The following GIGYF1 variants were observed in gnomAD, a reference collection of about 807,000 sequenced individuals.
GIGYF1 encodes GRB10-interacting GYF protein 1.
Under a neutral mutation model 147.1 loss-of-function variants are expected in GIGYF1, and 84 were observed. That is an observed-to-expected ratio of 0.57 (90% CI 0.48 to 0.68). GIGYF1 has a LOEUF of 0.68. Among genes scored for constraint, GIGYF1 ranks in the 30% least tolerant of loss-of-function variants. GIGYF1 has a pLI of 0.00. For missense variants in GIGYF1, 1,485 were observed against 1,393.7 expected (o/e 1.07, Z -1.04); for synonymous variants, 752 against 589.5 (o/e 1.28, Z -3.99).
At position 100,680,383 on chromosome 7, in the gene GIGYF1, C is replaced by CTGTTA. The variant is rs1012628446; in HGVS notation, c.*1331_*1335dup. The CTGTTA allele has an allele frequency of 3.9e-5, 6 of 152,570 alleles. No individual in the cohort carries two copies. The highest frequency in any genetic ancestry group is 1.4e-4 in the African/African-American group (6 of 41,404). The allele number at this position is 152,570 out of a possible 1,614,324, so 9.5% of individuals were successfully genotyped here. ...TGGATGAGAAACCCAAAAGACAAAA[C>CTGTTA]TGTTACAAAACCCAAAATGGGCGGA... On this transcript the variant is annotated 3_prime_UTR_variant, in exon 27 of 27. Transcript: ENST00000678049.
In GIGYF1 at chr7:100,687,535, A is replaced by T. The variant is rs1273519000; in HGVS notation, c.343T>A (p.Ser115Thr). 17 of 1,612,030 alleles carry T rather than the reference A, an allele frequency of 1.1e-5. No individual in the cohort carries two copies. The highest frequency in any genetic ancestry group is 1.4e-5 in the Non-Finnish European group (17 of 1,179,606). ...CTCCGCGTGCTGCCCCTGCCTCGGG[A>T]GGTGCCAGCCAGGGGGGGGCCAGCC... is the stretch of plus-strand genomic sequence containing the variant. ...KGAGPPLAGTSRGRGSTRSRG... is the reference protein window; with the variant it reads ...KGAGPPLAGTTRGRGSTRSRG... The change falls in exon 7 of 27, where the codon TCC becomes ACC. Residue 115 changes from serine to threonine, a missense_variant. Physicochemically the swap from Ser to Thr is moderately conservative, Grantham distance 58 (BLOSUM62 1). Coordinates refer to ENST00000678049, the MANE Select transcript of GIGYF1 (RefSeq NM_001375765.1).
At position 100,682,455 on chromosome 7, in the gene GIGYF1, C is replaced by T. The variant is rs139105530; in HGVS notation, c.2628G>A (p.Arg876=). Residue 876 remains arginine (R), a synonymous_variant, in exon 24 of 27, where the codon CGG becomes CGA. Coordinates refer to ENST00000678049, the MANE Select transcript of GIGYF1 (RefSeq NM_001375765.1). The part of the protein sequence containing the change: ...LSDSYSHLSG[R]PIRKKTEEEE... Reference sequence around the variant, plus strand: ...CTTCCTCCGTCTTTTTGCGAATGGGCCGACCCGATAGGTGGCTGTATGAGT... The same window carrying T: ...CTTCCTCCGTCTTTTTGCGAATGGGTCGACCCGATAGGTGGCTGTATGAGT... The T allele has an allele frequency of 9.3e-6, 15 of 1,612,984 alleles. No individual in the cohort carries two copies. The highest frequency in any genetic ancestry group is 1.3e-5 in the Non-Finnish European group (15 of 1,179,990).
At position 100,693,012 on chromosome 7, in the gene GIGYF1, C is replaced by T. The variant is rs887917645; in HGVS notation, c.-1099+1098G>A. On this transcript the variant is annotated intron_variant, in intron 1 of 26. Coordinates refer to ENST00000678049, the MANE Select transcript of GIGYF1 (RefSeq NM_001375765.1). ...TTCCATGCCAAAGGCGAGGGGTTGG[C>T]GGGGTTCTAAATTGAAACTTCTATA... Among the ~76,000 whole-genome samples, 6 of 152,062 alleles carry T rather than the reference C, an allele frequency of 3.9e-5. No individual in the cohort carries two copies. The South Asian group carries it at 1.0e-3, about 26-fold the overall frequency.
At position 100,683,396 on chromosome 7, in the gene GIGYF1, C is replaced by A; in HGVS notation, c.2101G>T (p.Glu701Ter). The change falls in exon 21 of 27, where the codon GAA (glutamate) becomes TAA (stop). Residue 701 changes from glutamate (E) to a stop codon, truncating the protein, a stop_gained. Transcript: ENST00000678049. LOFTEE classifies it high-confidence loss of function. ...VELRAKREEE[E>*]RKRREEKRRQ... ...CGCTTCTCCTCTCGACGCTTGCGTT[C>A]CTCTTCCTCCCGCTTCGCCCTGAGC... The A allele has an allele frequency of 6.2e-7, 1 of 1,613,738 alleles. No individual in the cohort carries two copies. Among genetic ancestry groups the A allele is most frequent in the Non-Finnish European group, 8.5e-7 (1 of 1,180,034 alleles).
At chr7:100,682,292 C>CCGCCCACCTCCTGGGAGCCGCT in intron 24 of GIGYF1, 30 bp downstream of exon 24, 1 of 1,608,698 alleles carries the variant, frequency 6.2e-7, no homozygotes, top group Non-Finnish European at 8.5e-7. Context: ...GACCCAGGTC[C>CCGCCCACCTCCTGGGAGCCGCT]CGCCCACCTC....
chr7:100,682,918 G>C (rs1804925655), intron 22 of GIGYF1, 94 bp downstream of exon 22: 1 of 1,277,850 alleles, frequency 7.8e-7, no homozygotes. Flanking sequence ...GCTGGGACTG[G>C]GGCTGGGGCT....
Position 100,681,705 on chromosome 7 carries a change from G to T in GIGYF1, c.*14C>A. The stretch of plus-strand genomic sequence containing the variant: ...GCCCTGGCCTACAGCCCAGGGGCTG[G>T]GGGTCCGGGCTGGTCAGTAGTCATC... On this transcript the variant is annotated 3_prime_UTR_variant, in exon 27 of 27. Coordinates refer to ENST00000678049, the MANE Select transcript of GIGYF1 (RefSeq NM_001375765.1). 1 of 1,539,592 alleles carries T rather than the reference G, an allele frequency of 6.5e-7. No homozygotes were observed. The highest frequency in any genetic ancestry group is 2.0e-5 in the Admixed American group (1 of 49,206).
Position 100,687,355 on chromosome 7 carries a change from T to A in GIGYF1, c.425A>T (p.Asp142Val). Residue 142 changes from aspartate to valine, a missense_variant, in exon 8 of 27, where the codon GAT becomes GTT. Transcript: ENST00000678049. ...CFYQRSIEEGDGAFGRSPREI... is the reference protein window; with the variant it reads ...CFYQRSIEEGVGAFGRSPREI... ...CCGGGGGCTTCGTCCAAAGGCCCCA[T>A]CGCCTTCTTCGATGCTTCTTTGGTA... 3.7e-6 allele frequency: 6 copies of A among 1,613,288 alleles called. No homozygotes were observed. The highest frequency in any genetic ancestry group is 5.1e-6 in the Non-Finnish European group (6 of 1,179,950).
rs895531348 is a variant in GIGYF1, at chr7:100,680,311, C to T, written c.*1408G>A. ...TTCATGGAGGGAGGCAGTGGCGAAGCCTTGCCCTAATACTGCACTCTGAGC... is the reference window on the plus strand; with the variant it reads ...TTCATGGAGGGAGGCAGTGGCGAAGTCTTGCCCTAATACTGCACTCTGAGC... On this transcript the variant is annotated 3_prime_UTR_variant, in exon 27 of 27. Coordinates refer to ENST00000678049, the MANE Select transcript of GIGYF1 (RefSeq NM_001375765.1). The T allele has an allele frequency of 1.3e-5, 2 of 152,664 alleles. No homozygotes were observed. The highest frequency in any genetic ancestry group is 4.8e-5 in the African/African-American group (2 of 41,422). 9.5% of individuals were successfully genotyped at this position (152,664 alleles called of 1,614,324 possible). A position where few individuals can be genotyped will look rare whatever the true frequency, so the allele number is the denominator to read the frequency against.
chr7:100,684,478 G>A lies in GIGYF1; in HGVS notation c.1601C>T (p.Ala534Val). 6.2e-7 allele frequency: 1 copy of A among 1,613,268 alleles called. No individual in the cohort carries two copies. ...CAGTGGGGGAGGTGAGGGCCCTGGG[G>A]CAAAGGGCACGCGGCCCCACATCTT... ...VIKMWGRVPF[A>V]PGPSPPPLLG... The change falls in exon 16 of 27, where the codon GCC becomes GTC. Residue 534 changes from alanine (A) to valine (V), a missense_variant. Ala to Val is a moderately conservative substitution (Grantham distance 64, BLOSUM62 0). Coordinates refer to ENST00000678049, the MANE Select transcript of GIGYF1 (RefSeq NM_001375765.1).
chr7:100,687,237 G>A lies in GIGYF1; in HGVS notation c.482+61C>T. 5.2e-6 allele frequency: 8 copies of A among 1,526,108 alleles called. No homozygotes were observed. In the South Asian group the frequency reaches 7.9e-5, roughly 15 times the overall value. 94.5% of individuals were successfully genotyped at this position (1,526,108 alleles called of 1,614,324 possible). A position where few individuals can be genotyped will look rare whatever the true frequency, so the allele number is the denominator to read the frequency against. Reference sequence around the variant, plus strand: ...GGGCCTCTGTTACCCTCTAGCGACAGGGCCCAGGCCTCCCCTCCCTGGCCT... The same window carrying A: ...GGGCCTCTGTTACCCTCTAGCGACAAGGCCCAGGCCTCCCCTCCCTGGCCT... On this transcript the variant is annotated intron_variant, in intron 8 of 26. Coordinates refer to ENST00000678049, the MANE Select transcript of GIGYF1 (RefSeq NM_001375765.1).
At position 100,686,164 on chromosome 7, in the gene GIGYF1, G is replaced by C. The variant is rs760482550; in HGVS notation, c.948+16C>G. The C allele has an allele frequency of 2.5e-6, 4 of 1,602,464 alleles. No individual in the cohort carries two copies. The highest frequency in any genetic ancestry group is 3.4e-6 in the Non-Finnish European group (4 of 1,172,974). ...CCCGGAAGGGCAGGTTCCCACCCTC[G>C]CCTCCTCACAGATACCTTGAGAGGC... On this transcript the variant is annotated intron_variant, in intron 11 of 26. Transcript: ENST00000678049.
Position 100,686,227 on chromosome 7 carries a change from C to T in GIGYF1, c.901G>A (p.Glu301Lys). The T allele has an allele frequency of 6.2e-7, 1 of 1,613,878 alleles. No individual in the cohort carries two copies. Among genetic ancestry groups the T allele is most frequent in the Non-Finnish European group, 8.5e-7 (1 of 1,179,914 alleles). Residue 301 changes from glutamate (E) to lysine (K), a missense_variant, in exon 11 of 27, where the codon GAA (glutamate) becomes AAA (lysine). Glu to Lys is a moderately conservative substitution (Grantham distance 56, BLOSUM62 1). Transcript: ENST00000678049. ...LPEWCLDDED[E>K]EMGTFDASGA... is the part of the protein sequence containing the mutation. Reference sequence around the variant, plus strand: ...GAGGCATCAAAGGTGCCCATTTCTTCATCCTCATCGTCCAGGCACCACTCT... The same window carrying T: ...GAGGCATCAAAGGTGCCCATTTCTTTATCCTCATCGTCCAGGCACCACTCT...
At chr7:100,685,873 C>T in intron 12 of GIGYF1, 101 bp downstream of exon 12, 1 of 926,404 alleles carries the variant, frequency 1.1e-6, no homozygotes, top group South Asian at 1.5e-5. Context: ...ATCTAAGTAG[C>T]CTGATTCTAC....
At position 100,688,473 on chromosome 7, in the gene GIGYF1, C is replaced by G; in HGVS notation, c.-92G>C. ...CACCTGAGCCAGCCACGTGGCCACT[C>G]ACACCATGAGTTACCCAGAGATGAG... On this transcript the variant is annotated 5_prime_UTR_variant, in exon 3 of 27. An upstream open reading frame in the 5' UTR loses its in-frame stop. Coordinates refer to ENST00000678049, the MANE Select transcript of GIGYF1 (RefSeq NM_001375765.1). 2 of 694,586 alleles carry G rather than the reference C, an allele frequency of 2.9e-6. No individual in the cohort carries two copies. The highest frequency in any genetic ancestry group is 5.3e-6 in the Non-Finnish European group (2 of 380,398). The allele number at this position is 694,586 out of a possible 1,614,324, so 43.0% of individuals were successfully genotyped here.
Position 100,682,156 on chromosome 7 carries a change from G to A in GIGYF1, c.2841C>T (p.Asp947=). 1 of 1,614,030 alleles carries A rather than the reference G, an allele frequency of 6.2e-7. No individual in the cohort carries two copies. Among genetic ancestry groups the A allele is most frequent in the East Asian group, 2.2e-5 (1 of 44,874 alleles). ...TGGCAAATTCTTTGGCTTCCAGCGT[G>A]TCCCCCAGGCAGGAACGGATATAAT... is the stretch of plus-strand genomic sequence containing the variant. The part of the protein sequence containing the change: ...VHDYIRSCLG[D]TLEAKEFAKQ... The change falls in exon 25 of 27, where the codon GAC becomes GAT. Residue 947 remains aspartate, a synonymous_variant. Transcript: ENST00000678049.
chr7:100,688,009 A>G lies in GIGYF1; in HGVS notation c.137T>C (p.Met46Thr). 6.2e-7 allele frequency: 1 copy of G among 1,612,934 alleles called. No homozygotes were observed. The highest frequency in any genetic ancestry group is 8.5e-7 in the Non-Finnish European group (1 of 1,179,334). Residue 46 changes from methionine to threonine, a missense_variant, in exon 5 of 27, where the codon ATG becomes ACG. By Grantham distance (81) the Met-to-Thr change is moderately conservative. Transcript: ENST00000678049. Reference protein sequence around the residue: ...LADYRYGREEMLALYVKENKV... With the variant: ...LADYRYGREETLALYVKENKV... ...GTTCTCCTTGACGTAGAGAGCCAGC[A>G]TTTCCTCTCGCCCATAACGGTAGTC...
intron 9 of GIGYF1, 74 bp downstream of exon 9, chr7:100,686,932 T>C (rs1043513580): frequency 3.2e-5 from 51 of 1,605,566 alleles, no homozygotes; most frequent in Non-Finnish European, 4.2e-5. Flanking sequence ...ACCTCCGAAA[T>C]AAGCACCCCC....
chr7:100,683,239 G>A lies in GIGYF1; in HGVS notation c.2194-9C>T. ...AGCTCCTGCTGCCGCACCTAAGAGGGGGACATGGTGAGGGGACCTGGCGAG... is the reference window on the plus strand; with the variant it reads ...AGCTCCTGCTGCCGCACCTAAGAGGAGGACATGGTGAGGGGACCTGGCGAG... On this transcript the variant is annotated splice_polypyrimidine_tract_variant and intron_variant, in intron 21 of 26. Coordinates refer to ENST00000678049, the MANE Select transcript of GIGYF1 (RefSeq NM_001375765.1). 4 of 1,612,742 alleles carry A rather than the reference G, an allele frequency of 2.5e-6. No individual in the cohort carries two copies. The highest frequency in any genetic ancestry group is 8.5e-7 in the Non-Finnish European group (1 of 1,179,906).
Sources: gnomAD v4.1 joint callset for allele counts (sites outside exome capture counted in the v4.1 genomes callset) on GRCh38, gnomAD v4.1.1 for gene constraint, MANE v1.5 for transcripts, NCBI Gene and HGNC (gene_info 2026-07-23, HGNC 2026-07-21) for gene names.